The following GRIN2A variants were observed in gnomAD, a reference collection of about 807,000 sequenced individuals.
GRIN2A encodes glutamate receptor ionotropic, NMDA 2A.
In GRIN2A, 22 loss-of-function variants were observed where a neutral mutation model predicts 113.4. The ratio of observed to expected loss-of-function variants is 0.19; its 90% CI spans 0.14 to 0.28. GRIN2A has a LOEUF of 0.28. Ranked by LOEUF, GRIN2A falls within the 10% of genes least tolerant of loss-of-function variation. The probability of loss-of-function intolerance (pLI) is 1.00; values close to 1 mark genes in which losing one functional copy is unlikely to be tolerated. For synonymous variants in GRIN2A, 827 were observed against 738.4 expected (o/e 1.12, Z -1.94); for missense variants, 1,502 against 1,887.0 (o/e 0.80, Z 3.78).
At chr16:9,949,197 A>G (rs1407262846) in intron 2 of GRIN2A, among the ~76,000 whole-genome samples, 1 of 152,228 alleles carries the variant, frequency 6.6e-6, no homozygotes, top group Non-Finnish European at 1.5e-5. Context: ...TCTCCATGCA[A>G]CCAGATTAAT....
chr16:10,016,247 AG>A (rs1206578610), intron 2 of GRIN2A, among the ~76,000 whole-genome samples: 3 of 152,214 alleles, frequency 2.0e-5, no homozygotes, highest in South Asian at 4.2e-4. Flanking sequence ...GGGGACAGTC[AG>A]GAAAGACACT....
At chr16:9,978,508 C>T (rs942996741) in intron 2 of GRIN2A, among the ~76,000 whole-genome samples, 2 of 151,990 alleles carry the variant, frequency 1.3e-5, no homozygotes, top group African/African-American at 4.8e-5. Context: ...CCTCTCCTTC[C>T]CCTTCCTCCT....
chr16:10,127,034 C>T (rs1305974254), intron 2 of GRIN2A, among the ~76,000 whole-genome samples: 1 of 152,184 alleles, frequency 6.6e-6, no homozygotes, highest in Non-Finnish European at 1.5e-5. Context: ...CAACTGCTTT[C>T]ATTAGCTCCA....
intron 2 of GRIN2A, among the ~76,000 whole-genome samples, chr16:9,947,613 A>G (rs1407928036): frequency 6.6e-6 from 1 of 152,222 alleles, no homozygotes; most frequent in East Asian, 1.9e-4. Context: ...ACAGCTCTGA[A>G]TGCTCAAGTT....
At position 9,938,190 on chromosome 16, in the gene GRIN2A, C is replaced by A; in HGVS notation, c.776G>T (p.Ser259Ile). 1 of 1,614,090 alleles carries A rather than the reference C, an allele frequency of 6.2e-7. No individual in the cohort carries two copies. Among genetic ancestry groups the A allele is most frequent in the Non-Finnish European group, 8.5e-7 (1 of 1,179,978 alleles). The part of the protein sequence containing the change: ...TGYDFFWIVP[S>I]LVSGNTELIP... ...GAGCTCCGTGTTCCCAGAGACCAAG[C>A]TGGGGACAATCCAGAAGAAATCATA... The change falls in exon 3 of 13, where the codon AGC (serine) becomes ATC (isoleucine). Residue 259 changes from serine to isoleucine, a missense_variant. By Grantham distance (142) the Ser-to-Ile change is moderately radical (BLOSUM62 -2). Transcript: ENST00000330684.
At position 9,829,444 on chromosome 16, in the gene GRIN2A, C is replaced by A; in HGVS notation, c.1986G>T (p.Val662=). 6.2e-7 allele frequency: 1 copy of A among 1,613,364 alleles called. No homozygotes were observed. The highest frequency in any genetic ancestry group is 8.5e-7 in the Non-Finnish European group (1 of 1,179,406). The stretch of plus-strand genomic sequence containing the variant: ...TTACCTTTTTGTCACTGAGGCCGGT[C>A]ACTTGGTCCACAAATTCCTCTTGGA... ...FMIQEEFVDQ[V]TGLSDKKFQR... The change falls in exon 9 of 13, where the codon GTG becomes GTT. Residue 662 remains valine, a synonymous_variant. Transcript: ENST00000330684.
At chr16:10,053,900 A>G (rs2047401929) in intron 2 of GRIN2A, among the ~76,000 whole-genome samples, 1 of 152,164 alleles carries the variant, frequency 6.6e-6, no homozygotes. Context: ...AAAGCCAAAG[A>G]AAGGAAAAGA....
intron 3 of GRIN2A, among the ~76,000 whole-genome samples, chr16:9,894,074 T>A (rs2043754383): frequency 6.6e-6 from 1 of 152,120 alleles, no homozygotes; most frequent in Non-Finnish European, 1.5e-5. Flanking sequence ...GGGGAGGGCT[T>A]CCCAGGGAAT....
intron 2 of GRIN2A, among the ~76,000 whole-genome samples, chr16:10,040,436 T>C (rs1336103199): frequency 6.8e-6 from 1 of 147,654 alleles, no homozygotes; most frequent in Non-Finnish European, 1.5e-5. Context: ...CACAAATACA[T>C]GAACACAGTC....
chr16:10,139,665 A>C (rs1208743264), intron 2 of GRIN2A, among the ~76,000 whole-genome samples: 1 of 152,160 alleles, frequency 6.6e-6, no homozygotes, highest in Non-Finnish European at 1.5e-5. Flanking sequence ...ATGCAACCTT[A>C]CCCAAACATA....
At chr16:10,036,397 T>C (rs906419889) in intron 2 of GRIN2A, among the ~76,000 whole-genome samples, 3 of 151,244 alleles carry the variant, frequency 2.0e-5, no homozygotes, top group Admixed American at 6.6e-5. Context: ...GGCTCATAGA[T>C]GGTGTTCTAT....
At chr16:9,853,713 T>C (rs1323047755) in intron 4 of GRIN2A, among the ~76,000 whole-genome samples, 2 of 152,186 alleles carry the variant, frequency 1.3e-5, no homozygotes, top group African/African-American at 2.4e-5. Flanking sequence ...GGAAGCTTCT[T>C]TGCCTACTCC....
At chr16:10,105,986 AC>A (rs1301618167) in intron 2 of GRIN2A, among the ~76,000 whole-genome samples, 4 of 152,264 alleles carry the variant, frequency 2.6e-5, no homozygotes, top group African/African-American at 9.6e-5. Flanking sequence ...ATATGCACAT[AC>A]ATGCATACAT....
intron 2 of GRIN2A, among the ~76,000 whole-genome samples, chr16:10,054,972 C>G (rs561700208): frequency 1.4e-5 from 2 of 142,700 alleles, no homozygotes; most frequent in South Asian, 2.3e-4. Context: ...CGCTTGAACC[C>G]AGGAGGCGGA....
chr16:9,782,726 C>A (rs566011809), intron 11 of GRIN2A, among the ~76,000 whole-genome samples: 2 of 152,310 alleles, frequency 1.3e-5, no homozygotes, highest in East Asian at 3.9e-4. Flanking sequence ...TCAACAGGCC[C>A]ATTAGGGAAT....
chr16:10,177,783 A>T (rs561248439), intron 2 of GRIN2A, among the ~76,000 whole-genome samples: 1 of 152,178 alleles, frequency 6.6e-6, no homozygotes, highest in Non-Finnish European at 1.5e-5. Context: ...GTTGGTCACA[A>T]CCTGCCATTC....
chr16:10,075,610 C>T (rs887216703), intron 2 of GRIN2A, among the ~76,000 whole-genome samples: 11 of 152,040 alleles, frequency 7.2e-5, no homozygotes, highest in Non-Finnish European at 1.6e-4. Flanking sequence ...ATATATTCTA[C>T]CACAATAAAA....
Position 10,180,306 on chromosome 16 carries a change from T to C in GRIN2A, c.106A>G (p.Ile36Val). 1 of 1,611,912 alleles carries C rather than the reference T, an allele frequency of 6.2e-7. No individual in the cohort carries two copies. Among genetic ancestry groups the C allele is most frequent in the Non-Finnish European group, 8.5e-7 (1 of 1,179,946 alleles). Residue 36 changes from isoleucine (I) to valine (V), a missense_variant, in exon 2 of 13, where the codon ATT (isoleucine) becomes GTT (valine). Transcript: ENST00000330684. The surrounding 1 kb of genome is among the most constrained non-coding windows in gnomAD (Gnocchi z 7.0). Reference sequence around the variant, plus strand: ...TGGCTGTGACCCAGCATCACCGCAATATTTAGCGCGGGGGGACCCTTCTCC... The same window carrying C: ...TGGCTGTGACCCAGCATCACCGCAACATTTAGCGCGGGGGGACCCTTCTCC... ...AAEKGPPALNIAVMLGHSHDV... is the reference protein window; with the variant it reads ...AAEKGPPALNVAVMLGHSHDV...
At chr16:9,940,575 G>A (rs1365454329) in intron 2 of GRIN2A, among the ~76,000 whole-genome samples, 1 of 152,192 alleles carries the variant, frequency 6.6e-6, no homozygotes, top group Non-Finnish European at 1.5e-5. Context: ...CCCATAAGTG[G>A]ATGACAAGGG....
Sources: allele counts gnomAD v4.1 joint callset (sites outside exome capture counted in the v4.1 genomes callset), GRCh38; gene constraint gnomAD v4.1.1; non-coding constraint Gnocchi (gnomAD v3.1); transcripts MANE v1.5; gene names NCBI Gene and HGNC (gene_info 2026-07-23, HGNC 2026-07-21).